Variants in TIMM23 observed in about 807,000 individuals in gnomAD.
TIMM23 encodes the protein translocase of inner mitochondrial membrane 23.
Under a neutral mutation model 30.7 loss-of-function variants are expected in TIMM23, and 19 were observed. The ratio of observed to expected loss-of-function variants is 0.62; its 90% CI spans 0.43 to 0.91. The LOEUF is 0.91. Among genes scored for constraint, TIMM23 ranks in the 40% least tolerant of loss-of-function variants. The pLI is 0.00. For missense variants in TIMM23, 202 were observed against 269.2 expected, an observed-to-expected ratio of 0.75 and a Z score of 1.75; for synonymous variants, 78 against 98.5, an observed-to-expected ratio of 0.79 and a Z score of 1.23.
chr10:45,978,492 G>A (rs1470238418), intron 2 of TIMM23, among the ~76,000 whole-genome samples: 6 of 152,144 alleles, frequency 3.9e-5, no homozygotes, highest in African/African-American at 1.4e-4. Context: ...AATGGGCAAA[G>A]GATTTGAGTA....
intron 6 of TIMM23, among the ~76,000 whole-genome samples, chr10:45,994,963 T>C (rs1838285460): frequency 6.6e-6 from 1 of 152,056 alleles, no homozygotes; most frequent in Admixed American, 6.5e-5. Context: ...GGTCTGTTTT[T>C]AACCAGAAAT....
intron 6 of TIMM23, among the ~76,000 whole-genome samples, chr10:45,989,226 A>G (rs1838085250): frequency 6.6e-6 from 1 of 152,182 alleles, no homozygotes; most frequent in Non-Finnish European, 1.5e-5. Context: ...AGAATCATAC[A>G]ATATTTGTCC....
At chr10:45,973,981 A>G (rs1837584083) in intron 1 of TIMM23, among the ~76,000 whole-genome samples, 1 of 152,050 alleles carries the variant, frequency 6.6e-6, no homozygotes, top group South Asian at 2.1e-4. Flanking sequence ...TATTAATCTT[A>G]GTATCTCTGA....
At chr10:45,981,487 C>T (rs1272504842) in intron 2 of TIMM23, among the ~76,000 whole-genome samples, 1 of 151,620 alleles carries the variant, frequency 6.6e-6, no homozygotes, top group African/African-American at 2.4e-5. Context: ...TATTATTGCC[C>T]AACAGACCAT....
chr10:45,998,486 C>T, intron 6 of TIMM23: 2 of 670,424 alleles, frequency 3.0e-6, no homozygotes, highest in South Asian at 6.6e-5. Context: ...AGTACCTTTG[C>T]TTATCAACTT....
chr10:45,994,325 C>T (rs1220558787), intron 6 of TIMM23, among the ~76,000 whole-genome samples: 3 of 151,136 alleles, frequency 2.0e-5, no homozygotes, highest in African/African-American at 7.3e-5. Flanking sequence ...GGCAGCTGAG[C>T]GAAACTCTGT....
intron 2 of TIMM23, 59 bp downstream of exon 2, chr10:45,975,571 A>C: frequency 6.2e-7 from 1 of 1,606,710 alleles, no homozygotes; most frequent in Non-Finnish European, 8.5e-7. Flanking sequence ...AAAAACGCCA[A>C]GTGCTATGCT....
intron 2 of TIMM23, among the ~76,000 whole-genome samples, chr10:45,981,589 C>T (rs1837846938): frequency 6.6e-6 from 1 of 151,880 alleles, no homozygotes; most frequent in Non-Finnish European, 1.5e-5. Flanking sequence ...CAAGGCAGAA[C>T]CACAGTTTTC....
intron 2 of TIMM23, among the ~76,000 whole-genome samples, chr10:45,978,322 G>A (rs1837739613): frequency 6.6e-6 from 1 of 152,180 alleles, no homozygotes; most frequent in South Asian, 2.1e-4. Context: ...ACTCCAGCCT[G>A]GGTGACAGAG....
At position 46,000,872 on chromosome 10, in the gene TIMM23, C is replaced by CA. The variant is rs542461403; in HGVS notation, c.515-2328dup. On this transcript the variant is annotated intron_variant, in intron 6 of 6. Coordinates refer to ENST00000580018, the MANE Select transcript of TIMM23 (RefSeq NM_006327.4). Reference sequence around the variant, plus strand: ...CGGCCCACCAGCATTTTTCCACTGACAAACAGCAGTGAGGGCACCTTGGCT... The same window carrying CA: ...CGGCCCACCAGCATTTTTCCACTGACAAAACAGCAGTGAGGGCACCTTGGCT... Among the ~76,000 whole-genome samples, 4 of 152,352 alleles carry CA rather than the reference C, an allele frequency of 2.6e-5. No individual in the cohort carries two copies. The East Asian group carries it at 7.7e-4, about 29-fold the overall frequency.
At chr10:45,981,850 T>C (rs1270701183) in intron 2 of TIMM23, among the ~76,000 whole-genome samples, 1 of 152,216 alleles carries the variant, frequency 6.6e-6, no homozygotes, top group Non-Finnish European at 1.5e-5. Flanking sequence ...AGTGTGTTTT[T>C]CATAAAGGTG....
chr10:45,976,094 A>G (rs587700379), intron 2 of TIMM23, among the ~76,000 whole-genome samples: 3 of 152,190 alleles, frequency 2.0e-5, no homozygotes, highest in Non-Finnish European at 4.4e-5. Flanking sequence ...CTAAGCATCA[A>G]AAGTTTCAAA....
intron 6 of TIMM23, among the ~76,000 whole-genome samples, chr10:46,002,809 T>C (rs1838586687): frequency 7.5e-6 from 1 of 134,044 alleles, no homozygotes; most frequent in Admixed American, 7.6e-5. Flanking sequence ...CATTTCATAG[T>C]ATTTTTTTTT....
intron 6 of TIMM23, 109 bp from the exon 7 acceptor site, chr10:46,003,068 CGGCCTCCCGAAGTGCTGGGATTACCT>C: frequency 1.6e-6 from 1 of 619,806 alleles, no homozygotes; most frequent in Non-Finnish European, 2.8e-6. Flanking sequence ...CCACCCACCT[CGGCCTCCCGAAGTGCTGGGATTACCT>C]GAGCCACCGT....
At chr10:45,994,492 T>A (rs1174340524) in intron 6 of TIMM23, among the ~76,000 whole-genome samples, 2 of 119,846 alleles carry the variant, frequency 1.7e-5, no homozygotes, top group Non-Finnish European at 3.4e-5. Context: ...CAGACTAGAG[T>A]ACAGTGGTGT....
chr10:45,975,793 T>TTTTG lies in TIMM23; in HGVS notation c.165+301_165+304dup, dbSNP rs1209463744. On this transcript the variant is annotated intron_variant, in intron 2 of 6. Coordinates refer to ENST00000580018, the MANE Select transcript of TIMM23 (RefSeq NM_006327.4). ...GCCTAGTTACAAAGTGTGTGGGGTT[T>TTTTG]TTTGTTTGTTTGTTTGTTTGTTTTT... 4.9e-3 allele frequency among the ~76,000 whole-genome samples: 741 copies of TTTTG among 152,184 alleles called. 6 individuals carry two copies. The highest frequency in any genetic ancestry group is 0.016 in the African/African-American group (645 of 41,488).
chr10:46,002,860 G>A (rs1006952849), intron 6 of TIMM23, among the ~76,000 whole-genome samples: 5 of 109,486 alleles, frequency 4.6e-5, no homozygotes, highest in Non-Finnish European at 8.4e-5. Context: ...GTCTCATCCT[G>A]TCGCCCAGGC....
intron 6 of TIMM23, chr10:45,998,302 TA>T: frequency 1.3e-5 from 11 of 858,142 alleles, no homozygotes; most frequent in African/African-American, 1.8e-5. Context: ...ACAAGGCACT[TA>T]AATATTCTGG....
intron 6 of TIMM23, among the ~76,000 whole-genome samples, chr10:45,991,390 G>A (rs1838158683): frequency 6.6e-6 from 1 of 152,182 alleles, no homozygotes; most frequent in African/African-American, 2.4e-5. Flanking sequence ...GGAGGTAGAA[G>A]CCTGAAGTCA....
Sources: gnomAD v4.1 joint callset for allele counts (sites outside exome capture counted in the v4.1 genomes callset) on GRCh38, gnomAD v4.1.1 for gene constraint, MANE v1.5 for transcripts, NCBI Gene and HGNC (gene_info 2026-07-23, HGNC 2026-07-21) for gene names.